Variants in PTPRD observed in about 807,000 individuals in gnomAD.
The protein encoded by PTPRD is receptor-type tyrosine-protein phosphatase delta.
PTPRD carries 34 observed loss-of-function variants against 214.5 expected under a neutral mutation model. The ratio of observed to expected loss-of-function variants is 0.16; its 90% confidence interval spans 0.12 to 0.21. PTPRD has a LOEUF of 0.21. Ranked by LOEUF, PTPRD falls within the 10% of genes least tolerant of loss-of-function variation. PTPRD has a pLI of 1.00. For synonymous variants in PTPRD, 1,128 were observed against 845.7 expected, an observed-to-expected ratio of 1.33 and a Z score of -5.79; for missense variants, 2,545 against 2,398.7, an observed-to-expected ratio of 1.06 and a Z score of -1.27.
At chr9:8,344,329 G>A (rs976573036) in intron 39 of PTPRD, among the ~76,000 whole-genome samples, 1 of 151,974 alleles carries the variant, frequency 6.6e-6, no homozygotes, top group Non-Finnish European at 1.5e-5. Context: ...ATATGCATCA[G>A]GGACCATTCA....
intron 8 of PTPRD, among the ~76,000 whole-genome samples, chr9:9,469,143 G>A (rs2094422045): frequency 6.6e-6 from 1 of 152,010 alleles, no homozygotes; most frequent in Non-Finnish European, 1.5e-5. Flanking sequence ...AAGAATATAT[G>A]AAATATCTCA....
intron 9 of PTPRD, among the ~76,000 whole-genome samples, chr9:9,225,765 A>G (rs555074811): frequency 1.3e-5 from 2 of 152,208 alleles, no homozygotes; most frequent in East Asian, 3.9e-4. Flanking sequence ...ATTTTGCCCA[A>G]TAGAACATAA....
intron 2 of PTPRD, among the ~76,000 whole-genome samples, chr9:10,503,820 G>A (rs972870127): frequency 1.3e-5 from 2 of 151,868 alleles, no homozygotes; most frequent in South Asian, 2.1e-4. Flanking sequence ...TGTAATTTTA[G>A]AAAAGATATA....
At chr9:8,949,351 A>G (rs571578976) in intron 11 of PTPRD, among the ~76,000 whole-genome samples, 15 of 152,320 alleles carry the variant, frequency 9.8e-5, no homozygotes, top group Middle Eastern at 3.4e-3. Context: ...TTTAAAGACA[A>G]CATTTTACCT....
At chr9:9,682,876 AG>A (rs1017832049) in intron 7 of PTPRD, among the ~76,000 whole-genome samples, 1 of 151,730 alleles carries the variant, frequency 6.6e-6, no homozygotes, top group African/African-American at 2.4e-5. Flanking sequence ...TCATATTTAC[AG>A]GGAAAAAGAG....
intron 44 of PTPRD, among the ~76,000 whole-genome samples, chr9:8,325,491 G>T (rs1010570492): frequency 6.7e-6 from 1 of 148,748 alleles, no homozygotes; most frequent in African/African-American, 2.5e-5. Flanking sequence ...TTTGGTTACT[G>T]TAGCCTTGTT....
At chr9:10,590,103 C>T (rs1352912294) in intron 2 of PTPRD, among the ~76,000 whole-genome samples, 2 of 151,994 alleles carry the variant, frequency 1.3e-5, no homozygotes, top group African/African-American at 4.8e-5. Flanking sequence ...CAATATCATA[C>T]TTTCTCAATT....
At chr9:8,551,743 A>T (rs990520358) in intron 14 of PTPRD, among the ~76,000 whole-genome samples, 1 of 152,236 alleles carries the variant, frequency 6.6e-6, no homozygotes, top group African/African-American at 2.4e-5. Context: ...TTTTCCAAAC[A>T]TAATGAAGAA....
At chr9:10,438,446 C>T (rs1566036604) in intron 2 of PTPRD, among the ~76,000 whole-genome samples, 1 of 151,652 alleles carries the variant, frequency 6.6e-6, no homozygotes, top group Admixed American at 6.6e-5. Context: ...ATAAACAACA[C>T]CACATTGAGA....
At chr9:9,294,020 C>G (rs778388323) in intron 9 of PTPRD, among the ~76,000 whole-genome samples, 1 of 151,496 alleles carries the variant, frequency 6.6e-6, no homozygotes, top group Non-Finnish European at 1.5e-5. Flanking sequence ...GTTACTTGGA[C>G]ACAAGCACCT....
chr9:9,289,920 G>C (rs1338967392), intron 9 of PTPRD, among the ~76,000 whole-genome samples: 1 of 151,670 alleles, frequency 6.6e-6, no homozygotes, highest in Non-Finnish European at 1.5e-5. Context: ...AAAAAACATA[G>C]CACTGCAGAT....
At chr9:8,481,867 C>A (rs1219280638) in intron 30 of PTPRD, among the ~76,000 whole-genome samples, 1 of 152,190 alleles carries the variant, frequency 6.6e-6, no homozygotes, top group Admixed American at 6.5e-5. Context: ...ACTGTAATCT[C>A]CACCTCCCAG....
rs2053290942 is a variant in PTPRD, at chr9:9,827,394, C to A, written c.-367-60543G>T. Among the ~76,000 whole-genome samples the A allele has an allele frequency of 2.6e-5, 4 of 152,112 alleles. No homozygotes were observed. In the South Asian group the frequency reaches 8.3e-4, roughly 32 times the overall value. ...TGATCTTTGACAAACCTGACAAAAA[C>A]AAGCAATGGGGAAAGGATTCCCTAT... is the stretch of plus-strand genomic sequence containing the variant. On this transcript the variant is annotated intron_variant, in intron 5 of 45. Transcript: ENST00000381196.
At chr9:8,934,500 T>A (rs796501674) in intron 11 of PTPRD, among the ~76,000 whole-genome samples, 1,292 of 27,468 alleles carry the variant, frequency 0.047, 119 homozygotes, top group Non-Finnish European at 0.067. Context: ...TATAAATATA[T>A]ATATAAATAT....
intron 8 of PTPRD, among the ~76,000 whole-genome samples, chr9:9,464,573 A>G (rs1225612313): frequency 6.6e-6 from 1 of 152,018 alleles, no homozygotes; most frequent in South Asian, 2.1e-4. Flanking sequence ...GGTATGTTTT[A>G]TTGCTTGAAT....
chr9:8,433,870 G>C (rs187909056), intron 35 of PTPRD, among the ~76,000 whole-genome samples: 1 of 152,180 alleles, frequency 6.6e-6, no homozygotes, highest in Non-Finnish European at 1.5e-5. Context: ...GTAGTATACA[G>C]TAACGTCCTA....
At chr9:10,196,899 C>T (rs1417585049) in intron 3 of PTPRD, among the ~76,000 whole-genome samples, 7 of 152,100 alleles carry the variant, frequency 4.6e-5, no homozygotes, top group Admixed American at 1.3e-4. Flanking sequence ...AGCATTTTCA[C>T]TTGCCCTTCT....
chr9:8,860,415 C>T, intron 11 of PTPRD: 1 of 152,226 alleles, frequency 6.6e-6, no homozygotes, highest in East Asian at 1.9e-4. Context: ...CCTAGATGTT[C>T]TTGTCTCTAC....
intron 27 of PTPRD, among the ~76,000 whole-genome samples, chr9:8,489,840 T>C (rs935976011): frequency 2.0e-5 from 3 of 152,174 alleles, no homozygotes; most frequent in Non-Finnish European, 4.4e-5. Context: ...AGAAACACTA[T>C]AGGTATCAAA....
Sources: gnomAD v4.1 joint callset for allele counts (sites outside exome capture counted in the v4.1 genomes callset) on GRCh38, gnomAD v4.1.1 for gene constraint, MANE v1.5 for transcripts, NCBI Gene and HGNC (gene_info 2026-07-23, HGNC 2026-07-21) for gene names.